The following DNAH3 variants were observed in gnomAD, a reference collection of about 807,000 sequenced individuals.
The protein encoded by DNAH3 is axonemal beta dynein heavy chain 3.
A neutral mutation model predicts 432.5 loss-of-function variants in DNAH3; 332 were observed. The observed-to-expected ratio is 0.77, with a 90% CI of 0.70 to 0.84. DNAH3 has a LOEUF of 0.84. Ranked by LOEUF, DNAH3 falls within the 40% of genes least tolerant of loss-of-function variation. The probability of loss-of-function intolerance (pLI) is 0.00; values close to 1 mark genes in which losing one functional copy is unlikely to be tolerated. For synonymous variants in DNAH3, 1,956 were observed against 1,900.2 expected, an observed-to-expected ratio of 1.03 and a Z score of -0.76; for missense variants, 4,861 against 5,114.0, an observed-to-expected ratio of 0.95 and a Z score of 1.51.
chr16:20,946,050 C>CG (rs1016330097), intron 57 of DNAH3, among the ~76,000 whole-genome samples: 1 of 152,120 alleles, frequency 6.6e-6, no homozygotes, highest in Admixed American at 6.5e-5. Context: ...CCTCCTTGTC[C>CG]GGGGCACTCT....
chr16:20,994,852 A>T lies in DNAH3; in HGVS notation c.6601+2431T>A, dbSNP rs1029288406. 4.9e-4 allele frequency among the ~76,000 whole-genome samples: 74 copies of T among 151,812 alleles called. 1 individual carries two copies. Among genetic ancestry groups the T allele is most frequent in the Middle Eastern group, 3.4e-3 (1 of 294 alleles). On this transcript the variant is annotated intron_variant, in intron 44 of 61. Transcript: ENST00000261383. Reference sequence around the variant, plus strand: ...CATGTTGTAACATGTCTTTTTTTTTAAAAAAATCCTCCTTTTATTATTATT... The same window carrying T: ...CATGTTGTAACATGTCTTTTTTTTTTAAAAAATCCTCCTTTTATTATTATT...
Position 21,036,699 on chromosome 16 carries a change from G to A in DNAH3, c.5085+15C>T. 1 of 1,612,922 alleles carries A rather than the reference G, an allele frequency of 6.2e-7. No individual in the cohort carries two copies. Among genetic ancestry groups the A allele is most frequent in the South Asian group, 1.1e-5 (1 of 90,770 alleles). ...ACAGTAAAACAGGCACATTTATATG[G>A]GCTAAGGAACCAACCTGGATAATTT... On this transcript the variant is annotated intron_variant, in intron 35 of 61. Transcript: ENST00000261383.
At chr16:20,954,291 CT>C (rs1190060999) in intron 55 of DNAH3, among the ~76,000 whole-genome samples, 1,694 of 127,736 alleles carry the variant, frequency 0.013, 18 homozygotes, top group African/African-American at 0.035. Context: ...TACCTATAGA[CT>C]TTTTTTTTTT....
At chr16:21,096,089 T>C (rs2091670082) in intron 18 of DNAH3, among the ~76,000 whole-genome samples, 1 of 151,842 alleles carries the variant, frequency 6.6e-6, no homozygotes. Context: ...TTATAAATAC[T>C]GAAGCACTAG....
In DNAH3 at chr16:21,132,507, C is replaced by A. The variant is rs551863500; in HGVS notation, c.1082+1752G>T. 1.2e-4 allele frequency among the ~76,000 whole-genome samples: 19 copies of A among 152,278 alleles called. No homozygotes were observed. In the South Asian group the frequency reaches 3.9e-3, roughly 32 times the overall value. On this transcript the variant is annotated intron_variant, in intron 7 of 61. Transcript: ENST00000261383. The stretch of plus-strand genomic sequence containing the variant: ...ACCTCCAGGCTCACTGCAATTGATG[C>A]ATAGATAAAACAAATGTCGGATAGC...
chr16:20,985,436 C>G (rs758022482), exon 48 of DNAH3: 2 of 1,614,212 alleles, frequency 1.2e-6, no homozygotes, highest in Non-Finnish European at 1.7e-6. Context: ...CCGCTGCCCC[C>G]TATGCCCACC....
intron 59 of DNAH3, 48 bp downstream of exon 59, chr16:20,941,353 C>T (rs775890019): frequency 3.1e-6 from 5 of 1,609,704 alleles, no homozygotes; most frequent in Non-Finnish European, 3.4e-6. Flanking sequence ...TTAGATCCTA[C>T]TCCTCACGTT....
Position 20,964,749 on chromosome 16 carries a change from T to C in DNAH3, c.9135A>G (p.Leu3045=), listed in dbSNP as rs1384435475. The C allele has an allele frequency of 1.2e-5, 20 of 1,614,056 alleles. No individual in the cohort carries two copies. In the Admixed American group the frequency reaches 3.3e-4, roughly 27 times the overall value. ...AGGCACGGATTTTTATGGGATCCCC[T>C]AACGTGTGGCTGAGACTGAAGTCAC... Residue 3045 remains leucine (L), a synonymous_variant, in exon 53 of 62, where the codon TTA becomes TTG. Coordinates refer to ENST00000261383, the Ensembl canonical transcript of DNAH3.
chr16:21,024,891 T>C (rs1178701831), intron 38 of DNAH3, among the ~76,000 whole-genome samples, 190 bp from the exon 39 acceptor site: 1 of 152,232 alleles, frequency 6.6e-6, no homozygotes, highest in Non-Finnish European at 1.5e-5. Context: ...TTCCTTCATA[T>C]ACAGTTTTAT....
At chr16:21,139,053 T>TTA (rs2092683073) in intron 5 of DNAH3, among the ~76,000 whole-genome samples, 1 of 152,198 alleles carries the variant, frequency 6.6e-6, no homozygotes, top group Non-Finnish European at 1.5e-5. Context: ...AATCATTTTA[T>TTA]TATACACCCT....
intron 43 of DNAH3, 72 bp from the exon 44 acceptor site, chr16:20,997,534 G>A: frequency 1.3e-6 from 2 of 1,528,996 alleles, no homozygotes; most frequent in Non-Finnish European, 8.9e-7. Context: ...GGTAACAGAT[G>A]GCAATTCCCC....
chr16:21,159,159 C>A (rs551267109), intron 1 of DNAH3, among the ~76,000 whole-genome samples: 1 of 152,194 alleles, frequency 6.6e-6, no homozygotes, highest in Admixed American at 6.5e-5. Flanking sequence ...TCCTCACCAC[C>A]CAGCCCCTCT....
intron 43 of DNAH3, among the ~76,000 whole-genome samples, chr16:20,999,462 T>C (rs1002716416): frequency 6.6e-6 from 1 of 152,162 alleles, no homozygotes; most frequent in Non-Finnish European, 1.5e-5. Context: ...TTCCTCTGAA[T>C]ACATGAGTTT....
chr16:21,005,161 C>T (rs199626304), intron 41 of DNAH3, among the ~76,000 whole-genome samples: 1,418 of 136,478 alleles, frequency 0.01, 21 homozygotes, highest in African/African-American at 0.039. Flanking sequence ...TCTTTCTTTT[C>T]TTTCTTTCTT....
intron 31 of DNAH3, among the ~76,000 whole-genome samples, chr16:21,048,887 T>C (rs1177994163): frequency 6.6e-6 from 1 of 151,990 alleles, no homozygotes; most frequent in Non-Finnish European, 1.5e-5. Context: ...AGAGACAGGG[T>C]TTCACCATGT....
chr16:21,028,337 C>T (rs371141677), intron 37 of DNAH3, among the ~76,000 whole-genome samples: 1 of 152,026 alleles, frequency 6.6e-6, no homozygotes, highest in Non-Finnish European at 1.5e-5. Context: ...AGCCACCGTG[C>T]CTGGCCCATA....
At chr16:20,946,510 T>A (rs1216454958) in intron 57 of DNAH3, among the ~76,000 whole-genome samples, 2 of 152,236 alleles carry the variant, frequency 1.3e-5, no homozygotes, top group East Asian at 3.8e-4. Context: ...TCACTCATAT[T>A]TGGCTCAGTA....
intron 18 of DNAH3, among the ~76,000 whole-genome samples, chr16:21,088,956 A>C (rs2091456902): frequency 1.3e-5 from 2 of 152,238 alleles, no homozygotes; most frequent in African/African-American, 4.8e-5. Flanking sequence ...CTAAATGATC[A>C]AAGGCAGATA....
chr16:20,972,574 T>C (rs1279305726), intron 51 of DNAH3, among the ~76,000 whole-genome samples: 2 of 151,880 alleles, frequency 1.3e-5, no homozygotes, highest in Admixed American at 6.6e-5. Flanking sequence ...CTCGTGTCTA[T>C]TCTACCAGGA....
Sources: gnomAD v4.1 joint callset for allele counts (sites outside exome capture counted in the v4.1 genomes callset) on GRCh38, gnomAD v4.1.1 for gene constraint, MANE v1.5 for transcripts, NCBI Gene and HGNC (gene_info 2026-07-23, HGNC 2026-07-21) for gene names.